Variants in EPHA4 observed in about 807,000 individuals in gnomAD.
EPHA4 encodes the protein ephrin type-A receptor 4.
A neutral mutation model predicts 108.3 loss-of-function variants in EPHA4; 19 were observed. The ratio of observed to expected loss-of-function variants is 0.18; its 90% CI spans 0.12 to 0.26. The LOEUF is 0.26. Among genes scored for constraint, EPHA4 ranks in the 10% least tolerant of loss-of-function variants. The pLI is 1.00. For synonymous variants in EPHA4, 449 were observed against 455.5 expected (o/e 0.99, Z 0.18); for missense variants, 917 against 1,254.0 (o/e 0.73, Z 4.06).
intron 3 of EPHA4, among the ~76,000 whole-genome samples, chr2:221,553,540 G>A (rs1694221064): frequency 6.6e-6 from 1 of 152,148 alleles, no homozygotes; most frequent in South Asian, 2.1e-4. Flanking sequence ...GCAGACAAAG[G>A]CCCAATCTGG....
At chr2:221,456,825 T>A (rs575433720) in intron 6 of EPHA4, 53 bp from the exon 7 acceptor site, 1 of 1,602,342 alleles carries the variant, frequency 6.2e-7, no homozygotes, top group Admixed American at 1.7e-5. Context: ...ATCTCCTGCT[T>A]ACTTACTAGG....
At chr2:221,440,660 C>A (rs1315201608) in intron 11 of EPHA4, among the ~76,000 whole-genome samples, 51 of 147,468 alleles carry the variant, frequency 3.5e-4, no homozygotes, top group Non-Finnish European at 8.9e-5. Context: ...GTACCTACTT[C>A]TTAAGACATA....
intron 11 of EPHA4, among the ~76,000 whole-genome samples, chr2:221,437,671 G>A (rs1690284146): frequency 6.6e-6 from 1 of 151,596 alleles, no homozygotes; most frequent in African/African-American, 2.4e-5. Context: ...CAGCACTTTG[G>A]GAGGCCAAGA....
At chr2:221,453,633 A>G (rs1231480839) in intron 8 of EPHA4, among the ~76,000 whole-genome samples, 2 of 152,176 alleles carry the variant, frequency 1.3e-5, no homozygotes, top group African/African-American at 2.4e-5. Flanking sequence ...GCCAATGTCT[A>G]TATGTTTTTG....
intron 4 of EPHA4, among the ~76,000 whole-genome samples, chr2:221,498,618 G>C (rs561464819): frequency 6.9e-6 from 1 of 145,966 alleles, no homozygotes; most frequent in Non-Finnish European, 1.5e-5. Context: ...TTCTGTTTTC[G>C]TTTTTTTTTT....
At chr2:221,533,916 C>T (rs534014164) in intron 3 of EPHA4, among the ~76,000 whole-genome samples, 1 of 152,162 alleles carries the variant, frequency 6.6e-6, no homozygotes, top group Non-Finnish European at 1.5e-5. Context: ...CCAGCAGCGC[C>T]CTACCAGAAG....
intron 6 of EPHA4, 61 bp from the exon 7 acceptor site, chr2:221,456,833 AG>A: frequency 1.9e-6 from 3 of 1,593,426 alleles, no homozygotes; most frequent in Non-Finnish European, 1.7e-6. Flanking sequence ...CTTACTTACT[AG>A]GTGCAATATT....
At chr2:221,514,484 C>A (rs185555488) in intron 3 of EPHA4, among the ~76,000 whole-genome samples, 46 of 152,288 alleles carry the variant, frequency 3.0e-4, no homozygotes, top group Admixed American at 2.9e-3. Flanking sequence ...GCAGCCTGAG[C>A]ATTCTCTGTC....
intron 3 of EPHA4, among the ~76,000 whole-genome samples, chr2:221,525,245 C>T (rs550167866): frequency 2.6e-5 from 4 of 152,192 alleles, no homozygotes; most frequent in South Asian, 2.1e-4. Context: ...ACACCCATCA[C>T]GCTGCGTGGA....
intron 7 of EPHA4, among the ~76,000 whole-genome samples, chr2:221,455,889 T>C (rs1047796071): frequency 2.0e-5 from 3 of 152,186 alleles, no homozygotes; most frequent in African/African-American, 7.2e-5. Flanking sequence ...TGCTGGATAA[T>C]TTCAAAGGAT....
At chr2:221,539,185 G>T (rs143084548) in intron 3 of EPHA4, among the ~76,000 whole-genome samples, 7 of 152,264 alleles carry the variant, frequency 4.6e-5, no homozygotes, top group African/African-American at 1.4e-4. Flanking sequence ...GGATTTCTGC[G>T]TCCCAGCCAC....
chr2:221,484,150 G>T (rs963985238), intron 4 of EPHA4, among the ~76,000 whole-genome samples: 6 of 152,174 alleles, frequency 3.9e-5, no homozygotes, highest in Non-Finnish European at 5.9e-5. Flanking sequence ...CATGAACTTG[G>T]ATGAGCTTTA....
intron 3 of EPHA4, among the ~76,000 whole-genome samples, chr2:221,549,169 G>A (rs1203849464): frequency 6.6e-6 from 1 of 152,090 alleles, no homozygotes; most frequent in South Asian, 2.1e-4. Context: ...GCCTCAAAAA[G>A]CATCACACTC....
At chr2:221,435,479 C>G (rs1277617156) in intron 13 of EPHA4, among the ~76,000 whole-genome samples, 1 of 151,994 alleles carries the variant, frequency 6.6e-6, no homozygotes, top group Non-Finnish European at 1.5e-5. Flanking sequence ...CCCCCTGCCC[C>G]CCTCCAAAAA....
chr2:221,519,038 T>A (rs192119708), intron 3 of EPHA4, among the ~76,000 whole-genome samples: 2 of 152,140 alleles, frequency 1.3e-5, no homozygotes, highest in Admixed American at 1.3e-4. Flanking sequence ...CAAGAAGAAA[T>A]AAATCTTATC....
chr2:221,510,571 G>C (rs925339497), intron 3 of EPHA4, among the ~76,000 whole-genome samples: 1 of 152,172 alleles, frequency 6.6e-6, no homozygotes, highest in African/African-American at 2.4e-5. Context: ...TTCAAGAACA[G>C]AATGCAGTAT....
rs1689882790 is a variant in EPHA4, at chr2:221,425,829, T to G, written c.*199A>C. 1 of 576,362 alleles carries G rather than the reference T, an allele frequency of 1.7e-6. No homozygotes were observed. 35.7% of individuals were successfully genotyped at this position (576,362 alleles called of 1,614,324 possible). The stretch of plus-strand genomic sequence containing the variant: ...AGAAACGATTTGTTCCAGGTCTCAT[T>G]CAAATGACCGGCAGTCATTTCTGTA... On this transcript the variant is annotated 3_prime_UTR_variant, in exon 17 of 18. Transcript: ENST00000281821.
At chr2:221,512,301 TA>T (rs1255374409) in intron 3 of EPHA4, among the ~76,000 whole-genome samples, 2 of 152,200 alleles carry the variant, frequency 1.3e-5, no homozygotes, top group African/African-American at 4.8e-5. Flanking sequence ...AGAAAGTAAG[TA>T]ATCATATTTT....
chr2:221,439,006 GT>G (rs1690332437), intron 11 of EPHA4, among the ~76,000 whole-genome samples: 1 of 152,088 alleles, frequency 6.6e-6, no homozygotes, highest in Non-Finnish European at 1.5e-5. Flanking sequence ...TGAAGAGTGG[GT>G]TTTTAATTCC....
Sources: gnomAD v4.1 joint callset for allele counts (sites outside exome capture counted in the v4.1 genomes callset) on GRCh38, gnomAD v4.1.1 for gene constraint, MANE v1.5 for transcripts, NCBI Gene and HGNC (gene_info 2026-07-23, HGNC 2026-07-21) for gene names.